The following CHRM5 variants were observed in gnomAD, a reference collection of about 807,000 sequenced individuals.
CHRM5 encodes the protein cholinergic receptor muscarinic 5.
A neutral mutation model predicts 39.0 loss-of-function variants in CHRM5; 18 were observed. That is an observed-to-expected ratio of 0.46 (90% CI 0.32 to 0.68). The LOEUF (loss-of-function observed/expected upper bound fraction) is 0.68, where lower values mean the gene tolerates loss of function less well. CHRM5 is among the 30% of genes least tolerant of loss of function. The pLI, the probability that CHRM5 is intolerant of heterozygous loss-of-function variation, is 0.04. For missense variants in CHRM5, 515 were observed against 651.1 expected, an observed-to-expected ratio of 0.79 and a Z score of 2.28; for synonymous variants, 241 against 246.3, an observed-to-expected ratio of 0.98 and a Z score of 0.20.
At chr15:33,999,911 A>C (rs1897073473) in intron 1 of CHRM5, among the ~76,000 whole-genome samples, 1 of 152,164 alleles carries the variant, frequency 6.6e-6, no homozygotes, top group Non-Finnish European at 1.5e-5. Flanking sequence ...ACTCAGAATA[A>C]AAGAAAACAT....
At chr15:33,978,421 T>C (rs1895987825) in intron 1 of CHRM5, among the ~76,000 whole-genome samples, 1 of 152,188 alleles carries the variant, frequency 6.6e-6, no homozygotes, top group Non-Finnish European at 1.5e-5. Context: ...CCCAGCACTT[T>C]AGGAGCCCGA....
intron 1 of CHRM5, among the ~76,000 whole-genome samples, chr15:33,977,490 A>T (rs1895936576): frequency 6.6e-6 from 1 of 152,156 alleles, no homozygotes; most frequent in East Asian, 1.9e-4. Flanking sequence ...TTAGGAGGCT[A>T]TGACAGCGTG....
At chr15:33,976,785 G>A (rs73383760) in intron 1 of CHRM5, among the ~76,000 whole-genome samples, 6,059 of 152,042 alleles carry the variant, frequency 0.04, 427 homozygotes, top group African/African-American at 0.14. Context: ...TAAATTTATT[G>A]TACCTTTCCT....
chr15:34,031,422 G>A (rs1451094115), intron 1 of CHRM5, among the ~76,000 whole-genome samples: 1 of 151,930 alleles, frequency 6.6e-6, no homozygotes, highest in Non-Finnish European at 1.5e-5. Context: ...TGATCTGCCT[G>A]CCTCAGCCTC....
intron 1 of CHRM5, among the ~76,000 whole-genome samples, chr15:34,028,284 G>A (rs1898594998): frequency 6.6e-6 from 1 of 152,172 alleles, no homozygotes; most frequent in Non-Finnish European, 1.5e-5. Context: ...ACAAGAGAAG[G>A]CCAGGTGCAG....
chr15:33,999,953 G>A (rs1487546719), intron 1 of CHRM5, among the ~76,000 whole-genome samples: 1 of 152,172 alleles, frequency 6.6e-6, no homozygotes, highest in Non-Finnish European at 1.5e-5. Flanking sequence ...TACGCGATCT[G>A]GCTGGATAAT....
chr15:34,002,746 CTA>C (rs1334621823), intron 1 of CHRM5, among the ~76,000 whole-genome samples: 1 of 152,180 alleles, frequency 6.6e-6, no homozygotes, highest in Admixed American at 6.5e-5. Flanking sequence ...GTTTCTCAGA[CTA>C]TCAAATTTAC....
intron 1 of CHRM5, among the ~76,000 whole-genome samples, chr15:34,046,280 G>A (rs1320480804): frequency 6.7e-6 from 1 of 149,846 alleles, no homozygotes; most frequent in Non-Finnish European, 1.5e-5. Context: ...AAATCTTTTT[G>A]TGGAAAGATC....
chr15:33,999,248 G>C (rs778384546), intron 1 of CHRM5, among the ~76,000 whole-genome samples: 2 of 152,218 alleles, frequency 1.3e-5, no homozygotes, highest in Non-Finnish European at 2.9e-5. Context: ...CTCACCGAAG[G>C]TGATTCATTC....
At chr15:34,005,969 A>C (rs1421090462) in intron 1 of CHRM5, among the ~76,000 whole-genome samples, 1 of 152,228 alleles carries the variant, frequency 6.6e-6, no homozygotes, top group Non-Finnish European at 1.5e-5. Context: ...GATTAAAGAG[A>C]TATAATAGAA....
At chr15:34,028,840 C>G (rs1434900823) in intron 1 of CHRM5, among the ~76,000 whole-genome samples, 1 of 151,780 alleles carries the variant, frequency 6.6e-6, no homozygotes, top group African/African-American at 2.4e-5. Context: ...ACACCACCAT[C>G]ATCGGCCACC....
intron 1 of CHRM5, among the ~76,000 whole-genome samples, chr15:33,970,464 ACTT>A (rs1895586452): frequency 2.0e-5 from 3 of 152,020 alleles, no homozygotes; most frequent in Admixed American, 2.0e-4. Flanking sequence ...ATCTCAAAAT[ACTT>A]CTTATGCATA....
chr15:34,021,680 C>T (rs1898205752), intron 1 of CHRM5, among the ~76,000 whole-genome samples: 2 of 151,912 alleles, frequency 1.3e-5, no homozygotes, highest in African/African-American at 4.8e-5. Flanking sequence ...AATGGTGAAA[C>T]CCCGTCTCTA....
chr15:34,010,895 T>A (rs1341770748), intron 1 of CHRM5, among the ~76,000 whole-genome samples: 2 of 152,238 alleles, frequency 1.3e-5, no homozygotes, highest in Non-Finnish European at 2.9e-5. Flanking sequence ...AGGTCATTTT[T>A]ATCTTATATA....
rs66482432 is a variant in CHRM5 at position 34,065,120 on chromosome 15, A to T, written c.*804A>T. 8,566 of 163,390 alleles carry T rather than the reference A, an allele frequency of 0.052. 370 individuals carry two copies. The highest frequency in any genetic ancestry group is 0.056 in the Non-Finnish European group (3,834 of 68,040). 10.1% of individuals were successfully genotyped at this position (163,390 alleles called of 1,614,324 possible). A position where few individuals can be genotyped will look rare whatever the true frequency, so the allele number is the denominator to read the frequency against. On this transcript the variant is annotated 3_prime_UTR_variant, in exon 3 of 3. Coordinates refer to ENST00000383263, the MANE Select transcript of CHRM5 (RefSeq NM_012125.4). ...GTTATTTTAGTTTTTGCCAGTGGAAATTTTTTCTTTTATCTAAACAGATAT... is the reference window on the plus strand; with the variant it reads ...GTTATTTTAGTTTTTGCCAGTGGAATTTTTTTCTTTTATCTAAACAGATAT...
chr15:34,062,657 G>A lies in CHRM5; in HGVS notation c.-61G>A, dbSNP rs1900381548. 4.0e-6 allele frequency: 6 copies of A among 1,499,196 alleles called. No homozygotes were observed. Among genetic ancestry groups the A allele is most frequent in the Admixed American group, 4.0e-5 (2 of 49,416 alleles). 92.9% of individuals were successfully genotyped at this position (1,499,196 alleles called of 1,614,324 possible). ...CTCTCTTCCAGATGCTGGCCAAGAAGAGCTGAAATAGAAAACAGCCTAGAA... is the reference window on the plus strand; with the variant it reads ...CTCTCTTCCAGATGCTGGCCAAGAAAAGCTGAAATAGAAAACAGCCTAGAA... On this transcript the variant is annotated 5_prime_UTR_variant, in exon 3 of 3. Transcript: ENST00000383263.
At chr15:34,052,987 A>G (rs978690035) in intron 2 of CHRM5, among the ~76,000 whole-genome samples, 6 of 152,090 alleles carry the variant, frequency 3.9e-5, no homozygotes, top group South Asian at 2.1e-4. Flanking sequence ...CAAAATTAGA[A>G]AAAAACTACT....
At chr15:34,058,093 C>T (rs1276000335) in intron 2 of CHRM5, among the ~76,000 whole-genome samples, 5 of 152,086 alleles carry the variant, frequency 3.3e-5, no homozygotes, top group Admixed American at 2.0e-4. Context: ...TGACAGAATT[C>T]CTTGCTCTTT....
intron 1 of CHRM5, among the ~76,000 whole-genome samples, chr15:34,046,274 C>T (rs1242574109): frequency 1.4e-5 from 2 of 146,372 alleles, no homozygotes; most frequent in Non-Finnish European, 3.0e-5. Flanking sequence ...TGTTCCAAAT[C>T]TTTTTGTGGA....
Sources: allele counts gnomAD v4.1 joint callset (sites outside exome capture counted in the v4.1 genomes callset), GRCh38; gene constraint gnomAD v4.1.1; transcripts MANE v1.5; gene names NCBI Gene and HGNC (gene_info 2026-07-23, HGNC 2026-07-21).